The following CNTNAP2 variants were observed in gnomAD, a reference collection of about 807,000 sequenced individuals.
CNTNAP2 encodes contactin associated protein 2.
CNTNAP2 carries 98 observed loss-of-function variants against 155.2 expected under a neutral mutation model. The observed-to-expected ratio is 0.63, with a 90% confidence interval of 0.54 to 0.75. The LOEUF (loss-of-function observed/expected upper bound fraction) is 0.75. Ranked by LOEUF, CNTNAP2 falls within the 30% of genes least tolerant of loss-of-function variation. CNTNAP2 has a pLI of 0.00. For missense variants in CNTNAP2, 1,727 were observed against 1,688.1 expected (o/e 1.02, Z -0.40); for synonymous variants, 651 against 631.2 (o/e 1.03, Z -0.47).
intron 3 of CNTNAP2, among the ~76,000 whole-genome samples, chr7:146,995,571 T>G (rs1798293274): frequency 6.6e-6 from 1 of 152,108 alleles, no homozygotes; most frequent in Non-Finnish European, 1.5e-5. Flanking sequence ...TTGATTTGCA[T>G]TGCTGTGATG....
chr7:148,156,447 T>A (rs1218009598), intron 17 of CNTNAP2, among the ~76,000 whole-genome samples: 1 of 152,130 alleles, frequency 6.6e-6, no homozygotes, highest in Non-Finnish European at 1.5e-5. Context: ...AAGCTGGCCA[T>A]CACTTAGTCT....
At position 147,440,265 on chromosome 7, in the gene CNTNAP2, T is replaced by C. The variant is rs774097297; in HGVS notation, c.1670+44485T>C. 4.9e-4 allele frequency among the ~76,000 whole-genome samples: 75 copies of C among 152,206 alleles called. No individual in the cohort carries two copies. The Middle Eastern group carries it at 0.01, about 21-fold the overall frequency. Reference sequence around the variant, plus strand: ...TTTTACTTCTGGTTATAATGAGACTTGCAAATACTATCTTATAGCCCATTA... The same window carrying C: ...TTTTACTTCTGGTTATAATGAGACTCGCAAATACTATCTTATAGCCCATTA... On this transcript the variant is annotated intron_variant, in intron 10 of 23. Coordinates refer to ENST00000361727, the MANE Select transcript of CNTNAP2 (RefSeq NM_014141.6).
chr7:146,912,984 T>C (rs1273463782), intron 3 of CNTNAP2, among the ~76,000 whole-genome samples: 1 of 152,170 alleles, frequency 6.6e-6, no homozygotes, highest in East Asian at 1.9e-4. Flanking sequence ...TTTCATGTTA[T>C]ATGTAGATGA....
intron 13 of CNTNAP2, among the ~76,000 whole-genome samples, chr7:147,713,224 C>G (rs530297511): frequency 2.6e-5 from 4 of 152,166 alleles, no homozygotes; most frequent in Admixed American, 2.6e-4. Context: ...GTGTACATTT[C>G]TATGAGTTCT....
chr7:146,364,433 A>C (rs1359708644), intron 1 of CNTNAP2, among the ~76,000 whole-genome samples: 1 of 152,098 alleles, frequency 6.6e-6, no homozygotes, highest in African/African-American at 2.4e-5. Context: ...TATTCTTTTC[A>C]CTGTACTTAT....
chr7:146,929,711 T>C (rs974493078), intron 3 of CNTNAP2, among the ~76,000 whole-genome samples: 81 of 152,148 alleles, frequency 5.3e-4, no homozygotes, highest in Non-Finnish European at 8.8e-4. Flanking sequence ...GACAAAAGTA[T>C]AACTAGAATA....
At chr7:147,198,521 C>T (rs1024587978) in intron 8 of CNTNAP2, among the ~76,000 whole-genome samples, 5 of 152,164 alleles carry the variant, frequency 3.3e-5, no homozygotes, top group African/African-American at 9.7e-5. Context: ...TGTGAGCCAC[C>T]GCGCCAGGCT....
chr7:147,699,205 C>G (rs888931610), intron 13 of CNTNAP2, among the ~76,000 whole-genome samples: 5 of 149,734 alleles, frequency 3.3e-5, no homozygotes, highest in Admixed American at 6.7e-5. Context: ...GGTTGGAGTT[C>G]ATGCCTCATC....
At chr7:148,180,612 T>C (rs1795020435) in intron 18 of CNTNAP2, among the ~76,000 whole-genome samples, 1 of 151,996 alleles carries the variant, frequency 6.6e-6, no homozygotes, top group South Asian at 2.1e-4. Flanking sequence ...ATCTACAAGA[T>C]GAGATGGTGG....
intron 1 of CNTNAP2, among the ~76,000 whole-genome samples, chr7:146,713,782 A>G (rs1260928710): frequency 6.6e-6 from 1 of 152,138 alleles, no homozygotes; most frequent in African/African-American, 2.4e-5. Flanking sequence ...GAAGCAGTAG[A>G]TTCCTACTCA....
At chr7:147,502,944 T>C (rs140904544) in intron 11 of CNTNAP2, among the ~76,000 whole-genome samples, 2 of 152,168 alleles carry the variant, frequency 1.3e-5, no homozygotes, top group East Asian at 3.9e-4. Context: ...AGAAAAGCAA[T>C]AGTTGAGCGA....
At chr7:146,601,949 A>T (rs1054813992) in intron 1 of CNTNAP2, among the ~76,000 whole-genome samples, 5 of 151,858 alleles carry the variant, frequency 3.3e-5, no homozygotes, top group African/African-American at 4.8e-5. Flanking sequence ...TAAAGAAAGT[A>T]AAAAAAATAA....
At chr7:148,039,401 A>T (rs1802628451) in intron 15 of CNTNAP2, among the ~76,000 whole-genome samples, 1 of 152,176 alleles carries the variant, frequency 6.6e-6, no homozygotes, top group South Asian at 2.1e-4. Flanking sequence ...TTCCTCACTC[A>T]GTCCACCAAT....
At chr7:147,027,579 T>G (rs577510612) in intron 3 of CNTNAP2, among the ~76,000 whole-genome samples, 4 of 152,358 alleles carry the variant, frequency 2.6e-5, no homozygotes, top group African/African-American at 9.6e-5. Flanking sequence ...CCTGCATCTA[T>G]GTTTTAGGAT....
At chr7:148,395,091 G>A (rs1004449142) in intron 22 of CNTNAP2, among the ~76,000 whole-genome samples, 9 of 146,476 alleles carry the variant, frequency 6.1e-5, no homozygotes, top group East Asian at 2.0e-4. Flanking sequence ...TCCCTTTTTC[G>A]TGTTTTTTAT....
At chr7:148,376,901 C>T (rs1308712161) in intron 21 of CNTNAP2, among the ~76,000 whole-genome samples, 1 of 67,788 alleles carries the variant, frequency 1.5e-5, no homozygotes, top group African/African-American at 3.6e-5. Flanking sequence ...CCAGCATTTC[C>T]ATGCCCTGCC....
chr7:147,433,657 A>G (rs1218236652), intron 10 of CNTNAP2, among the ~76,000 whole-genome samples: 3 of 152,200 alleles, frequency 2.0e-5, no homozygotes, highest in Non-Finnish European at 2.9e-5. Flanking sequence ...AGATCAATCA[A>G]AATTTGTTGT....
At position 147,132,398 on chromosome 7, in the gene CNTNAP2, A is replaced by G; in HGVS notation, c.1237A>G (p.Ser413Gly). 1 of 1,613,696 alleles carries G rather than the reference A, an allele frequency of 6.2e-7. No individual in the cohort carries two copies. The highest frequency in any genetic ancestry group is 8.5e-7 in the Non-Finnish European group (1 of 1,179,798). The change falls in exon 8 of 24, where the codon AGT becomes GGT. Residue 413 changes from serine (S) to glycine (G), a missense_variant. Ser to Gly is a moderately conservative substitution (Grantham distance 56). Transcript: ENST00000361727. ...GAACCCCAATGGTCTCCTGGTCTTC[A>G]GTCACTTTGCGGATAATTTGGGCAA... ...TWNPNGLLVF[S>G]HFADNLGNVE...
intron 1 of CNTNAP2, among the ~76,000 whole-genome samples, chr7:146,395,798 T>TGG (rs1563068305): frequency 7.2e-6 from 1 of 139,702 alleles, no homozygotes; most frequent in African/African-American, 3.0e-5. Flanking sequence ...GATAGATAGA[T>TGG]AGATAGATAG....
Sources: gnomAD v4.1 joint callset for allele counts (sites outside exome capture counted in the v4.1 genomes callset) on GRCh38, gnomAD v4.1.1 for gene constraint, MANE v1.5 for transcripts, NCBI Gene and HGNC (gene_info 2026-07-23, HGNC 2026-07-21) for gene names.